Variants in DENND2B observed in about 807,000 individuals in gnomAD.
DENND2B encodes DENN domain containing 2B.
DENND2B carries 32 observed loss-of-function variants against 116.0 expected under a neutral mutation model. That is an observed-to-expected ratio of 0.28 (90% CI 0.21 to 0.37). DENND2B has a LOEUF of 0.37. Among genes scored for constraint, DENND2B ranks in the 10% least tolerant of loss-of-function variants. The pLI is 1.00. For synonymous variants in DENND2B, 588 were observed against 583.9 expected, an observed-to-expected ratio of 1.01 and a Z score of -0.10; for missense variants, 1,276 against 1,477.7, an observed-to-expected ratio of 0.86 and a Z score of 2.24.
intron 1 of DENND2B, among the ~76,000 whole-genome samples, chr11:8,767,471 C>A (rs1363731802): frequency 2.0e-5 from 3 of 152,200 alleles, no homozygotes. Flanking sequence ...ACTATCAATT[C>A]TTTTTAATTC....
chr11:8,730,700 G>T lies in DENND2B; in HGVS notation c.590C>A (p.Ala197Asp). 6.2e-7 allele frequency: 1 copy of T among 1,611,790 alleles called. No homozygotes were observed. The highest frequency in any genetic ancestry group is 2.2e-5 in the East Asian group (1 of 44,858). Residue 197 changes from alanine (A) to aspartate (D), a missense_variant, in exon 3 of 20, where the codon GCC becomes GAC. By Grantham distance (126) the Ala-to-Asp change is moderately radical. Coordinates refer to ENST00000313726, the MANE Select transcript of DENND2B (RefSeq NM_213618.2). The surrounding 1 kb of genome is among the most constrained non-coding windows in gnomAD (Gnocchi z 4.1). ...GCCCAGGCTGGGGCAGCCCTCACTGGCCGCCCACTCGCTCCCAGAGCCCTC... is the reference window on the plus strand; with the variant it reads ...GCCCAGGCTGGGGCAGCCCTCACTGTCCGCCCACTCGCTCCCAGAGCCCTC... ...KREGSGSEWA[A>D]SEGCPSLGCP... is the part of the protein sequence containing the mutation.
chr11:8,728,467 G>A (rs2047516647), intron 3 of DENND2B, among the ~76,000 whole-genome samples: 1 of 152,152 alleles, frequency 6.6e-6, no homozygotes, highest in Non-Finnish European at 1.5e-5. Context: ...CAAGAGCACA[G>A]ATTTAAGTTT....
chr11:8,732,593 G>C (rs2048300973), intron 2 of DENND2B, among the ~76,000 whole-genome samples: 1 of 152,116 alleles, frequency 6.6e-6, no homozygotes, highest in Non-Finnish European at 1.5e-5. Flanking sequence ...TAGGCCCAGG[G>C]ACAAACAAAT....
intron 3 of DENND2B, among the ~76,000 whole-genome samples, chr11:8,849,758 G>A (rs565213042): frequency 1.3e-5 from 2 of 151,088 alleles, no homozygotes; most frequent in East Asian, 3.9e-4. Context: ...AAGAGGCAGA[G>A]GTTGCAGTGA....
At chr11:8,775,838 T>G (rs2057550169) in intron 1 of DENND2B, among the ~76,000 whole-genome samples, 1 of 152,172 alleles carries the variant, frequency 6.6e-6, no homozygotes, top group Non-Finnish European at 1.5e-5. Flanking sequence ...TGCCAGCCCA[T>G]AGGAGGCACT....
chr11:8,872,498 A>G (rs908467822), upstream of DENND2B, among the ~76,000 whole-genome samples: 2 of 151,760 alleles, frequency 1.3e-5, no homozygotes, highest in East Asian at 1.9e-4. Flanking sequence ...AAAAAAAAAA[A>G]AAAAGAAAAA....
upstream of DENND2B, chr11:8,811,685 A>G (rs2061380674): frequency 5.0e-6 from 1 of 199,590 alleles, no homozygotes; most frequent in Non-Finnish European, 1.0e-5. Context: ...CTTTTGAAAT[A>G]CACTGCACAG....
chr11:8,792,742 A>G (rs971884550), intron 1 of DENND2B, among the ~76,000 whole-genome samples: 1 of 152,250 alleles, frequency 6.6e-6, no homozygotes, highest in Non-Finnish European at 1.5e-5. Context: ...TTCACCTATC[A>G]GATTGGCGAA....
rs939901536 is a variant in DENND2B, at chr11:8,762,728, C to T, written c.-25-12003G>A. Among the ~76,000 whole-genome samples, 9 of 152,246 alleles carry T rather than the reference C, an allele frequency of 5.9e-5. No individual in the cohort carries two copies. The South Asian group carries it at 1.5e-3, about 25-fold the overall frequency. ...ATACAAAATTAGCCAGGCGTGGTGGCGCATGCCTGTAATCCTAACTACTCG... is the reference window on the plus strand; with the variant it reads ...ATACAAAATTAGCCAGGCGTGGTGGTGCATGCCTGTAATCCTAACTACTCG... On this transcript the variant is annotated intron_variant, in intron 1 of 19. Transcript: ENST00000313726.
upstream of DENND2B, among the ~76,000 whole-genome samples, chr11:8,815,325 C>T (rs2061531604): frequency 6.6e-6 from 1 of 152,116 alleles, no homozygotes; most frequent in African/African-American, 2.4e-5. Context: ...TTGAACACTA[C>T]AGTCTGGTGG....
At position 8,888,754 on chromosome 11, in the gene DENND2B, G is replaced by C. The variant is rs149398840; in HGVS notation, c.-255-7645C>G. Among the ~76,000 whole-genome samples the C allele has an allele frequency of 6.7e-4, 102 of 152,256 alleles. No individual in the cohort carries two copies. The East Asian group carries it at 0.015, about 23-fold the overall frequency. ...AAACAACATAATTCGAAAATGGGCA[G>C]AGAACTTGAATAGACATTTCTCAAA... On this transcript the variant is annotated intron_variant, in intron 1 of 22. Transcript: ENST00000534127.
chr11:8,909,190 G>A (rs2064276751), intron 1 of DENND2B, among the ~76,000 whole-genome samples: 1 of 152,174 alleles, frequency 6.6e-6, no homozygotes, highest in Non-Finnish European at 1.5e-5. Context: ...GAGCAAAAAA[G>A]TGGCAGAGAG....
chr11:8,710,996 A>ATTCAC, intron 10 of DENND2B, 82 bp from the exon 11 acceptor site: 1 of 1,584,550 alleles, frequency 6.3e-7, no homozygotes, highest in Non-Finnish European at 8.6e-7. Flanking sequence ...CGTCATTTTC[A>ATTCAC]CGTGGGGTGA....
At chr11:8,736,876 G>T (rs940805021) in intron 2 of DENND2B, among the ~76,000 whole-genome samples, 1 of 152,216 alleles carries the variant, frequency 6.6e-6, no homozygotes, top group Non-Finnish European at 1.5e-5. Flanking sequence ...CTCTTGAGTG[G>T]ATGTGAGCAG....
chr11:8,700,537 C>T (rs1472312083), intron 14 of DENND2B, among the ~76,000 whole-genome samples: 1 of 152,278 alleles, frequency 6.6e-6, no homozygotes, highest in East Asian at 1.9e-4. Flanking sequence ...CAACTGCTTC[C>T]TCATACATAC....
intron 1 of DENND2B, among the ~76,000 whole-genome samples, chr11:8,791,348 T>C (rs2059359241): frequency 6.6e-6 from 1 of 152,230 alleles, no homozygotes; most frequent in South Asian, 2.1e-4. Flanking sequence ...AAAAGAAATC[T>C]GGTTGTATCG....
At chr11:8,816,757 G>A (rs2061582500) in intron 4 of DENND2B, among the ~76,000 whole-genome samples, 1 of 151,638 alleles carries the variant, frequency 6.6e-6, no homozygotes, top group Admixed American at 6.6e-5. Flanking sequence ...CTGGCTTCCA[G>A]CTTTCTGGAA....
At chr11:8,795,971 G>A (rs2059778479) in intron 1 of DENND2B, among the ~76,000 whole-genome samples, 1 of 152,182 alleles carries the variant, frequency 6.6e-6, no homozygotes, top group East Asian at 1.9e-4. Flanking sequence ...AAGCAAGTCT[G>A]TTACTGAAAC....
At position 8,707,786 on chromosome 11, in the gene DENND2B, C is replaced by T. The variant is rs1216985764; in HGVS notation, c.2421G>A (p.Leu807=). ...TGCCAGAGCCTCTTACCTTGGAAAA[C>T]AAGCCGAAGCAGCCAAGGCGGCTGA... ...CVISRLGCFG[L]FSKVLDEVER... is the part of the protein sequence containing the mutation. Residue 807 remains leucine (L), a synonymous_variant, in exon 12 of 20, where the codon TTG becomes TTA. Transcript: ENST00000313726. This position sits in a 1 kb window ranked among gnomAD's most constrained non-coding sequence, Gnocchi z 4.8. 2 of 1,608,690 alleles carry T rather than the reference C, an allele frequency of 1.2e-6. No homozygotes were observed. The highest frequency in any genetic ancestry group is 1.7e-6 in the Non-Finnish European group (2 of 1,177,906).
Sources: gnomAD v4.1 joint callset for allele counts (sites outside exome capture counted in the v4.1 genomes callset) on GRCh38, gnomAD v4.1.1 for gene constraint, Gnocchi (gnomAD v3.1) non-coding constraint, MANE v1.5 for transcripts, NCBI Gene and HGNC (gene_info 2026-07-23, HGNC 2026-07-21) for gene names.